The following USP48 variants were observed in gnomAD, a reference collection of about 807,000 sequenced individuals.
USP48 encodes the protein ubiquitin specific peptidase 48.
USP48 carries 43 observed loss-of-function variants against 150.7 expected under a neutral mutation model. The observed-to-expected ratio is 0.29, with a 90% CI of 0.22 to 0.37. The LOEUF is 0.37. USP48 is among the 10% of genes least tolerant of loss of function. USP48 has a pLI of 1.00. For synonymous variants in USP48, 396 were observed against 425.9 expected, an observed-to-expected ratio of 0.93 and a Z score of 0.86; for missense variants, 813 against 1,249.6, an observed-to-expected ratio of 0.65 and a Z score of 5.27.
intron 1 of USP48, among the ~76,000 whole-genome samples, chr1:21,781,137 C>T (rs1171624005): frequency 6.7e-6 from 1 of 149,228 alleles, no homozygotes; most frequent in Non-Finnish European, 1.5e-5. Context: ...AAAGTATCGG[C>T]CTGGCGGGCG....
At chr1:21,733,117 T>C (rs1322598592) in intron 9 of USP48, among the ~76,000 whole-genome samples, 1 of 152,124 alleles carries the variant, frequency 6.6e-6, no homozygotes. Context: ...CATCCATTCC[T>C]AATTAAGAGT....
intron 22 of USP48, among the ~76,000 whole-genome samples, 185 bp downstream of exon 22, chr1:21,701,313 C>G (rs548677049): frequency 2.1e-5 from 3 of 145,884 alleles, no homozygotes; most frequent in Non-Finnish European, 4.5e-5. Context: ...TTGTGGTGAG[C>G]TGAGATAGTG....
chr1:21,735,850 T>C (rs1372403838), intron 9 of USP48, among the ~76,000 whole-genome samples: 1 of 148,490 alleles, frequency 6.7e-6, no homozygotes, highest in Non-Finnish European at 1.5e-5. Flanking sequence ...ATCTCGCCAT[T>C]GCACTCCAGC....
At chr1:21,719,053 G>A (rs2097712342) in intron 14 of USP48, among the ~76,000 whole-genome samples, 1 of 151,942 alleles carries the variant, frequency 6.6e-6, no homozygotes, top group Non-Finnish European at 1.5e-5. Context: ...GATCACTTGA[G>A]CTCAGGAGTT....
chr1:21,691,181 G>A (rs1342680210), intron 23 of USP48, among the ~76,000 whole-genome samples: 1 of 151,802 alleles, frequency 6.6e-6, no homozygotes, highest in East Asian at 1.9e-4. Flanking sequence ...GAGTATGGTG[G>A]CACATGCCTG....
intron 25 of USP48, chr1:21,685,859 G>A (rs2097579197): frequency 6.9e-6 from 1 of 145,692 alleles, no homozygotes; most frequent in Non-Finnish European, 1.5e-5. Context: ...GCTCATGCCT[G>A]TAATTCTAGC....
intron 9 of USP48, among the ~76,000 whole-genome samples, chr1:21,730,052 A>G (rs2097752727): frequency 6.6e-6 from 1 of 152,232 alleles, no homozygotes; most frequent in Non-Finnish European, 1.5e-5. Context: ...TTTAAAGGTA[A>G]AAAGAAAATA....
Position 21,708,901 on chromosome 1 carries a change from AAGAAAGAAAAG to A in USP48, c.1964-2044_1964-2034del, listed in dbSNP as rs1183110170. Among the ~76,000 whole-genome samples, 177 of 59,816 alleles carry A rather than the reference AAGAAAGAAAAG, an allele frequency of 3.0e-3. 23 individuals are homozygous for A. Among genetic ancestry groups the A allele is most frequent in the Non-Finnish European group, 5.5e-3 (110 of 19,900 alleles). The allele number at this position is 59,816 out of a possible 152,430, so 39.2% of individuals were successfully genotyped here. On this transcript the variant is annotated intron_variant, in intron 15 of 26. Coordinates refer to ENST00000308271, the MANE Select transcript of USP48 (RefSeq NM_032236.8). ...CTCCGTCTCAAAAAAAAAAAAAAAAAAGAAAGAAAAGAAAAGAAAAGAAAAGAAAACAGAGT... is the reference window on the plus strand; with the variant it reads ...CTCCGTCTCAAAAAAAAAAAAAAAAAAAAAGAAAAGAAAAGAAAACAGAGT...
At chr1:21,742,543 CA>C (rs11353860) in intron 8 of USP48, among the ~76,000 whole-genome samples, 104,424 of 129,992 alleles carry the variant, frequency 0.8, 41,309 homozygotes, top group Admixed American at 0.87. Flanking sequence ...GACTCTATCT[CA>C]AAAAAAAAAA....
intron 3 of USP48, 84 bp downstream of exon 3, chr1:21,756,462 C>G (rs979513805): frequency 2.1e-6 from 3 of 1,399,444 alleles, no homozygotes; most frequent in Non-Finnish European, 2.8e-6. Flanking sequence ...GCTTGGGAAA[C>G]AGAGGAAGAC....
chr1:21,706,892 G>GA (rs112985732), intron 15 of USP48, 24 bp from the exon 16 acceptor site: 146,685 of 1,012,210 alleles, frequency 0.14, 331 homozygotes, highest in South Asian at 0.18. Flanking sequence ...AATATATTTG[G>GA]AAAAAAAAAA....
intron 12 of USP48, among the ~76,000 whole-genome samples, chr1:21,723,108 A>T (rs2097726171): frequency 6.6e-6 from 1 of 152,238 alleles, no homozygotes; most frequent in South Asian, 2.1e-4. Context: ...AAGGCAGCCA[A>T]AACAAAATAC....
chr1:21,746,524 C>T (rs950792204), intron 8 of USP48, among the ~76,000 whole-genome samples: 1 of 152,136 alleles, frequency 6.6e-6, no homozygotes, highest in East Asian at 1.9e-4. Context: ...ACAGTCCTTT[C>T]TCTAGTAAGA....
intron 22 of USP48, among the ~76,000 whole-genome samples, chr1:21,701,189 A>AC (rs2097655137): frequency 1.3e-5 from 2 of 151,432 alleles, no homozygotes; most frequent in South Asian, 4.2e-4. Flanking sequence ...ACACAGTGAA[A>AC]CCCCGTCTCT....
At chr1:21,737,674 C>T (rs1214681216) in intron 8 of USP48, among the ~76,000 whole-genome samples, 1 of 152,176 alleles carries the variant, frequency 6.6e-6, no homozygotes. Flanking sequence ...AATAAACCCA[C>T]ATAACCACAA....
chr1:21,782,780 G>C, intron 1 of USP48, 44 bp downstream of exon 1: 3 of 1,495,870 alleles, frequency 2.0e-6, no homozygotes, highest in Non-Finnish European at 1.8e-6. Flanking sequence ...GGCTTTCCAA[G>C]GTCCGGCGCG....
intron 15 of USP48, among the ~76,000 whole-genome samples, chr1:21,712,974 C>G (rs1201743420): frequency 2.0e-5 from 3 of 152,068 alleles, no homozygotes; most frequent in African/African-American, 7.2e-5. Flanking sequence ...CATCAAAACA[C>G]TAGAGTTACA....
chr1:21,698,336 T>C (rs999860827), intron 22 of USP48, among the ~76,000 whole-genome samples: 28 of 152,124 alleles, frequency 1.8e-4, no homozygotes, highest in Non-Finnish European at 3.8e-4. Flanking sequence ...AATTATAAAG[T>C]ATAAAAAATA....
chr1:21,782,683 G>T, intron 1 of USP48, 141 bp downstream of exon 1: 2 of 1,307,430 alleles, frequency 1.5e-6, no homozygotes, highest in Non-Finnish European at 2.0e-6. Flanking sequence ...CGCAGACGGC[G>T]CAAAGGGGGA....
Sources: gnomAD v4.1 joint callset for allele counts (sites outside exome capture counted in the v4.1 genomes callset) on GRCh38, gnomAD v4.1.1 for gene constraint, MANE v1.5 for transcripts, NCBI Gene and HGNC (gene_info 2026-07-23, HGNC 2026-07-21) for gene names.